The following MAGI2 variants were observed in gnomAD, a reference collection of about 807,000 sequenced individuals.
MAGI2 encodes membrane-associated guanylate kinase, WW and PDZ domain-containing protein 2.
MAGI2 carries 35 observed loss-of-function variants against 133.3 expected under a neutral mutation model. The ratio of observed to expected loss-of-function variants is 0.26; its 90% confidence interval spans 0.20 to 0.35. The LOEUF is 0.35. Among genes scored for constraint, MAGI2 ranks in the 10% least tolerant of loss-of-function variants. MAGI2 has a pLI of 1.00. For synonymous variants in MAGI2, 729 were observed against 710.6 expected (o/e 1.03, Z -0.41); for missense variants, 1,636 against 1,863.4 (o/e 0.88, Z 2.25).
Position 79,308,359 on chromosome 7 carries a change from G to A in MAGI2, c.301+144661C>T, listed in dbSNP as rs187216855. On this transcript the variant is annotated intron_variant, in intron 1 of 21. Coordinates refer to ENST00000354212, the MANE Select transcript of MAGI2 (RefSeq NM_012301.4). ...CAGAGACAGGTCACTCAAAACAGAAGGTGTATAGCTTCTCTTGGAGTTTTC... is the reference window on the plus strand; with the variant it reads ...CAGAGACAGGTCACTCAAAACAGAAAGTGTATAGCTTCTCTTGGAGTTTTC... 7.6e-5 allele frequency among the ~76,000 whole-genome samples: 9 copies of A among 117,678 alleles called. No homozygotes were observed. The South Asian group carries it at 8.7e-4, about 11-fold the overall frequency. The allele number at this position is 117,678 out of a possible 152,430, so 77.2% of individuals were successfully genotyped here.
chr7:78,118,012 G>A lies in MAGI2; in HGVS notation c.3567+7682C>T, dbSNP rs77924749. On this transcript the variant is annotated intron_variant, in intron 20 of 21. Coordinates refer to ENST00000354212, the MANE Select transcript of MAGI2 (RefSeq NM_012301.4). ...GTATTGGTGAAAGAATAGACGAATA[G>A]ATCAATGGAACAGAATAGACAGAAA... is the stretch of plus-strand genomic sequence containing the variant. Among the ~76,000 whole-genome samples the A allele has an allele frequency of 0.012, 1,826 of 152,236 alleles. 83 individuals carry two copies. In the East Asian group the frequency reaches 0.15, roughly 13 times the overall value.
chr7:78,272,449 A>G (rs1051157532), intron 9 of MAGI2, among the ~76,000 whole-genome samples: 8 of 152,152 alleles, frequency 5.3e-5, no homozygotes, highest in African/African-American at 1.9e-4. Context: ...GTAGATGTCT[A>G]TTAGGTCTGC....
chr7:78,421,278 T>A (rs2215379), intron 6 of MAGI2, among the ~76,000 whole-genome samples: 1 of 151,978 alleles, frequency 6.6e-6, no homozygotes. Flanking sequence ...AACACCTTTA[T>A]GTAACTCACT....
intron 1 of MAGI2, among the ~76,000 whole-genome samples, chr7:79,227,508 A>G (rs1830961345): frequency 6.6e-6 from 1 of 152,176 alleles, no homozygotes; most frequent in African/African-American, 2.4e-5. Context: ...TTGTTATAAT[A>G]TATTCTTTTA....
chr7:78,753,039 A>G (rs2151282225), intron 2 of MAGI2, among the ~76,000 whole-genome samples: 1 of 152,316 alleles, frequency 6.6e-6, no homozygotes, highest in South Asian at 2.1e-4. Context: ...AAAAATAAAC[A>G]TTTTTCAGAA....
At chr7:78,044,338 T>C (rs370970695) in intron 21 of MAGI2, among the ~76,000 whole-genome samples, 16 of 152,294 alleles carry the variant, frequency 1.1e-4, no homozygotes, top group African/African-American at 3.1e-4. Flanking sequence ...CTCTCCAACA[T>C]AGCTATGAGG....
intron 9 of MAGI2, among the ~76,000 whole-genome samples, chr7:78,284,037 G>C (rs1297763776): frequency 6.6e-6 from 1 of 151,964 alleles, no homozygotes; most frequent in East Asian, 1.9e-4. Flanking sequence ...AGTACCACAA[G>C]GTGATAAATG....
At chr7:78,493,831 C>CACTT (rs1229903583) in intron 5 of MAGI2, among the ~76,000 whole-genome samples, 1 of 145,914 alleles carries the variant, frequency 6.9e-6, no homozygotes, top group African/African-American at 2.8e-5. Context: ...AAATGCTTTG[C>CACTT]ACTTAATAAG....
intron 2 of MAGI2, among the ~76,000 whole-genome samples, chr7:78,913,917 C>T (rs986164642): frequency 6.6e-6 from 1 of 152,174 alleles, no homozygotes; most frequent in African/African-American, 2.4e-5. Flanking sequence ...AGATTCCATG[C>T]TCCTACCCTC....
At chr7:79,432,281 A>G (rs1209189035) in intron 1 of MAGI2, among the ~76,000 whole-genome samples, 1 of 152,204 alleles carries the variant, frequency 6.6e-6, no homozygotes, top group Non-Finnish European at 1.5e-5. Context: ...GAGGAGAGGG[A>G]TGTGTTGCAT....
At chr7:78,801,967 T>A (rs1045120667) in intron 2 of MAGI2, among the ~76,000 whole-genome samples, 1 of 152,146 alleles carries the variant, frequency 6.6e-6, no homozygotes, top group South Asian at 2.1e-4. Context: ...GCAGAGAATA[T>A]CTGCAACTAA....
At chr7:78,959,913 A>G (rs1175569592) in intron 2 of MAGI2, among the ~76,000 whole-genome samples, 1 of 152,194 alleles carries the variant, frequency 6.6e-6, no homozygotes, top group East Asian at 1.9e-4. Context: ...TTATGTAAAC[A>G]TACATGTAAT....
intron 21 of MAGI2, among the ~76,000 whole-genome samples, chr7:78,028,904 A>G (rs549486973): frequency 5.4e-4 from 82 of 151,904 alleles, no homozygotes; most frequent in African/African-American, 1.9e-3. Context: ...TTCAAAGATC[A>G]GGAAACTGAG....
intron 6 of MAGI2, among the ~76,000 whole-genome samples, chr7:78,481,709 G>GA (rs1182913184): frequency 8.7e-5 from 11 of 126,278 alleles, no homozygotes; most frequent in East Asian, 3.1e-4. Context: ...CATCCATAGG[G>GA]AAAAAAAAAT....
intron 2 of MAGI2, among the ~76,000 whole-genome samples, chr7:78,850,711 G>A (rs372342268): frequency 6.6e-6 from 1 of 151,986 alleles, no homozygotes; most frequent in East Asian, 1.9e-4. Context: ...TTGCTTTGAG[G>A]GAGTCCCTGT....
intron 2 of MAGI2, among the ~76,000 whole-genome samples, chr7:78,981,623 T>C (rs73703744): frequency 6.6e-6 from 1 of 152,022 alleles, no homozygotes; most frequent in South Asian, 2.1e-4. Context: ...TGCATCCGAC[T>C]TTTTCAGAGG....
intron 1 of MAGI2, among the ~76,000 whole-genome samples, chr7:79,247,815 G>T (rs910372965): frequency 1.3e-5 from 2 of 151,940 alleles, no homozygotes; most frequent in Non-Finnish European, 2.9e-5. Flanking sequence ...TGACTTATAA[G>T]ATAATATTTG....
intron 2 of MAGI2, among the ~76,000 whole-genome samples, chr7:78,950,888 C>T (rs1048337740): frequency 3.3e-5 from 5 of 150,978 alleles, no homozygotes; most frequent in Admixed American, 3.3e-4. Flanking sequence ...ATGTGAGTGA[C>T]CCTATAAAGT....
At chr7:78,117,982 G>C (rs912974763) in intron 20 of MAGI2, among the ~76,000 whole-genome samples, 6 of 152,210 alleles carry the variant, frequency 3.9e-5, no homozygotes, top group African/African-American at 1.4e-4. Context: ...AATCAGGACA[G>C]TGTGGTATTG....
Sources: gnomAD v4.1 joint callset for allele counts (sites outside exome capture counted in the v4.1 genomes callset) on GRCh38, gnomAD v4.1.1 for gene constraint, MANE v1.5 for transcripts, NCBI Gene and HGNC (gene_info 2026-07-23, HGNC 2026-07-21) for gene names.